The following TTC31 variants were observed in gnomAD, a reference collection of about 807,000 sequenced individuals.
The protein encoded by TTC31 is tetratricopeptide repeat protein 31.
In TTC31, 59 loss-of-function variants were observed where a neutral mutation model predicts 60.4. That is an observed-to-expected ratio of 0.98 (90% CI 0.79 to 1.21). TTC31 has a LOEUF of 1.21. TTC31 is among the 50% of genes most tolerant of loss of function. The probability of loss-of-function intolerance (pLI) is 0.00; values close to 1 mark genes in which losing one functional copy is unlikely to be tolerated. For missense variants in TTC31, 672 were observed against 646.9 expected (o/e 1.04, Z -0.42); for synonymous variants, 225 against 249.6 (o/e 0.90, Z 0.93).
At chr2:74,492,895 C>T in intron 12 of TTC31, 27 bp from the exon 13 acceptor site, 2 of 1,586,568 alleles carry the variant, frequency 1.3e-6, no homozygotes, top group Non-Finnish European at 1.7e-6. Flanking sequence ...AAAGAAGGAT[C>T]TGGTGCCCTT....
intron 12 of TTC31, 77 bp from the exon 13 acceptor site, chr2:74,492,845 G>A: frequency 6.3e-7 from 1 of 1,584,298 alleles, no homozygotes; most frequent in Non-Finnish European, 8.6e-7. Context: ...AGGGGGCGGG[G>A]AAGGATGGGT....
At position 74,492,404 on chromosome 2, in the gene TTC31, CG is replaced by C; in HGVS notation, c.1124del (p.Gly375AlafsTer9). On this transcript the variant is annotated frameshift_variant, in exon 11 of 13. Coordinates refer to ENST00000233623, the MANE Select transcript of TTC31 (RefSeq NM_022492.6). LOFTEE classifies it high-confidence loss of function. ...CCTTACCCTACGGCCTGGCTGGCCC[CG>C]GGGCCTCTTCCGCCTGGGCAAGGCC... ...VALTLRPGWPRGLFRLGKALM... is the reference protein window; with the variant it reads ...VALTLRPGWPXGLFRLGKALM... 1 of 1,525,044 alleles carries C rather than the reference CG, an allele frequency of 6.6e-7. No individual in the cohort carries two copies. Among genetic ancestry groups the C allele is most frequent in the Non-Finnish European group, 8.8e-7 (1 of 1,137,428 alleles). The allele number at this position is 1,525,044 out of a possible 1,614,324, so 94.5% of individuals were successfully genotyped here.
intron 2 of TTC31, among the ~76,000 whole-genome samples, chr2:74,488,776 A>C (rs1317427251): frequency 6.6e-6 from 1 of 152,188 alleles, no homozygotes; most frequent in African/African-American, 2.4e-5. Context: ...ACAAACAAAA[A>C]ATAGTCGGCC....
At chr2:74,491,743 G>C (rs1431782417) in intron 8 of TTC31, 71 bp downstream of exon 8, 2 of 1,554,492 alleles carry the variant, frequency 1.3e-6, no homozygotes, top group Admixed American at 1.9e-5. Flanking sequence ...GGGAGGCACA[G>C]GGTCTAAGGA....
chr2:74,490,241 C>A lies in TTC31; in HGVS notation c.233-3C>A. The A allele has an allele frequency of 6.2e-7, 1 of 1,613,368 alleles. No individual in the cohort carries two copies. Among genetic ancestry groups the A allele is most frequent in the Non-Finnish European group, 8.5e-7 (1 of 1,179,484 alleles). On this transcript the variant is annotated splice_region_variant and splice_polypyrimidine_tract_variant and intron_variant, in intron 3 of 12. Transcript: ENST00000233623. ...TTTCCTGTCTCTTTCTCCCTCCTGA[C>A]AGATTACCTCCTGGGCCACTTGGAT...
intron 1 of TTC31, 35 bp downstream of exon 1, chr2:74,483,170 A>G (rs1318357318): frequency 6.2e-7 from 1 of 1,614,130 alleles, no homozygotes; most frequent in Non-Finnish European, 8.5e-7. Context: ...GGGGTCTAGG[A>G]GGGCAGAGGC....
intron 12 of TTC31, 57 bp from the exon 13 acceptor site, chr2:74,492,865 G>A: frequency 6.3e-7 from 1 of 1,581,076 alleles, no homozygotes; most frequent in Non-Finnish European, 8.6e-7. Context: ...TGGAATGAGA[G>A]GCATGGGCTC....
chr2:74,490,193 G>A (rs1357530055), intron 3 of TTC31, 51 bp from the exon 4 acceptor site: 1 of 1,609,872 alleles, frequency 6.2e-7, no homozygotes, highest in Non-Finnish European at 8.5e-7. Context: ...ACCCTCAGAT[G>A]CACCCCGCTC....
intron 1 of TTC31, 25 bp from the exon 2 acceptor site, chr2:74,483,297 G>C: frequency 1.2e-6 from 2 of 1,613,702 alleles, no homozygotes; most frequent in South Asian, 1.1e-5. Flanking sequence ...GCCCGCTGAC[G>C]AGGCTCCGCC....
chr2:74,491,811 G>C (rs1323673893), intron 8 of TTC31, 139 bp downstream of exon 8: 17 of 1,372,166 alleles, frequency 1.2e-5, no homozygotes, highest in Non-Finnish European at 1.1e-5. Flanking sequence ...CTACAGTCAG[G>C]CCCCATCACT....
rs369642494 is a variant in TTC31 at position 74,493,237 on chromosome 2, T to C, written c.*19T>C. ...CAGATGAGGGGGCACCGGTCCCTCATAGGGCAGGGCCATGTATATATCCCT... is the reference window on the plus strand; with the variant it reads ...CAGATGAGGGGGCACCGGTCCCTCACAGGGCAGGGCCATGTATATATCCCT... On this transcript the variant is annotated 3_prime_UTR_variant, in exon 13 of 13. Transcript: ENST00000233623. 12 of 1,613,052 alleles carry C rather than the reference T, an allele frequency of 7.4e-6. No individual in the cohort carries two copies. Among genetic ancestry groups the C allele is most frequent in the Admixed American group, 6.7e-5 (4 of 59,962 alleles).
chr2:74,491,448 C>T (rs1307695407), intron 7 of TTC31, 33 bp from the exon 8 acceptor site: 1 of 1,612,468 alleles, frequency 6.2e-7, no homozygotes, highest in African/African-American at 1.3e-5. Context: ...ACTTCATCCC[C>T]ACCCCCTCCC....
Position 74,491,630 on chromosome 2 carries a change from C to G in TTC31, c.834C>G (p.Ser278Arg), listed in dbSNP as rs1170526953. The change falls in exon 8 of 13, where the codon AGC (serine) becomes AGG (arginine). Residue 278 changes from serine to arginine, a missense_variant. Ser to Arg is a moderately radical substitution (Grantham distance 110). Coordinates refer to ENST00000233623, the MANE Select transcript of TTC31 (RefSeq NM_022492.6). Reference sequence around the variant, plus strand: ...AGAAGATGGGTCAAGAGGAAGAGAGCCCTCCAAGAGAGGAGAGGCCCCAGC... The same window carrying G: ...AGAAGATGGGTCAAGAGGAAGAGAGGCCTCCAAGAGAGGAGAGGCCCCAGC... Reference protein sequence around the residue: ...ALQKMGQEEESPPREERPQQS... With the variant: ...ALQKMGQEEERPPREERPQQS... 1 of 1,614,166 alleles carries G rather than the reference C, an allele frequency of 6.2e-7. No homozygotes were observed. The highest frequency in any genetic ancestry group is 2.2e-5 in the East Asian group (1 of 44,884).
chr2:74,490,776 A>G, intron 5 of TTC31, 37 bp downstream of exon 5: 2 of 1,589,322 alleles, frequency 1.3e-6, no homozygotes, highest in Admixed American at 1.8e-5. Context: ...AGGGGAGCCA[A>G]AGGGATTTGG....
chr2:74,487,590 A>G (rs1237005949), intron 2 of TTC31, among the ~76,000 whole-genome samples: 2 of 152,038 alleles, frequency 1.3e-5, no homozygotes, highest in African/African-American at 2.4e-5. Context: ...GGAAGAGAGA[A>G]GAAATACAGT....
In TTC31 at chr2:74,492,532, A is replaced by G; in HGVS notation, c.1161+87A>G. The G allele has an allele frequency of 3.9e-6, 6 of 1,536,576 alleles. No homozygotes were observed. In the South Asian group the frequency reaches 6.3e-5, roughly 16 times the overall value. On this transcript the variant is annotated intron_variant, in intron 11 of 12. Transcript: ENST00000233623. The stretch of plus-strand genomic sequence containing the variant: ...ATGTTGACTTTCTAGATAAGCTTCT[A>G]GTACCAAAGTGTCACAATGGTTGTG...
chr2:74,492,156 G>A lies in TTC31; in HGVS notation c.946G>A (p.Ala316Thr). The change falls in exon 10 of 13, where the codon GCT (alanine) becomes ACT (threonine). Residue 316 changes from alanine to threonine, a missense_variant. Physicochemically the swap from Ala to Thr is moderately conservative, Grantham distance 58. Transcript: ENST00000233623. ...CTTTCCAGAGTTGGGTACCAGCTTTGCTCAAAATGGTTTCTACCATGAGGC... is the reference window on the plus strand; with the variant it reads ...CTTTCCAGAGTTGGGTACCAGCTTTACTCAAAATGGTTTCTACCATGAGGC... ...QELAKLGTSF[A>T]QNGFYHEAVV... The A allele has an allele frequency of 6.2e-7, 1 of 1,614,204 alleles. No homozygotes were observed. The highest frequency in any genetic ancestry group is 8.5e-7 in the Non-Finnish European group (1 of 1,180,040).
rs748636073 is a variant in TTC31, at chr2:74,483,316, C to CT, written c.41-5dup. 2.5e-6 allele frequency: 4 copies of CT among 1,614,114 alleles called. No individual in the cohort carries two copies. In the South Asian group the frequency reaches 4.4e-5, roughly 18 times the overall value. The stretch of plus-strand genomic sequence containing the variant: ...GCTGACGAGGCTCCGCCTTCCTTTC[C>CT]TGTAGACTGCTCTCTACGGCCCAGC... On this transcript the variant is annotated splice_region_variant and splice_polypyrimidine_tract_variant and intron_variant, in intron 1 of 12. Coordinates refer to ENST00000233623, the MANE Select transcript of TTC31 (RefSeq NM_022492.6).
chr2:74,483,126 A>C lies in TTC31; in HGVS notation c.31A>C (p.Ile11Leu), dbSNP rs373643480. 8.7e-6 allele frequency: 14 copies of C among 1,614,188 alleles called. No homozygotes were observed. The highest frequency in any genetic ancestry group is 1.1e-5 in the Non-Finnish European group (13 of 1,180,038). Residue 11 changes from isoleucine (I) to leucine (L), a missense_variant, in exon 1 of 13, where the codon ATC (isoleucine) becomes CTC (leucine). Coordinates refer to ENST00000233623, the MANE Select transcript of TTC31 (RefSeq NM_022492.6). MAPIPKTVGR[I>L]KLDCSLRPSC... Reference sequence around the variant, plus strand: ...GCCGATTCCAAAGACTGTGGGGCGGATCAAGCTAGGTGAGCGGTATGACAA... The same window carrying C: ...GCCGATTCCAAAGACTGTGGGGCGGCTCAAGCTAGGTGAGCGGTATGACAA...
Sources: gnomAD v4.1 joint callset for allele counts (sites outside exome capture counted in the v4.1 genomes callset) on GRCh38, gnomAD v4.1.1 for gene constraint, MANE v1.5 for transcripts, NCBI Gene and HGNC (gene_info 2026-07-23, HGNC 2026-07-21) for gene names.